Variants in DSCAM observed in about 807,000 individuals in gnomAD.
DSCAM encodes cell adhesion molecule DSCAM.
In DSCAM, 47 loss-of-function variants were observed where a neutral mutation model predicts 217.7. The ratio of observed to expected loss-of-function variants is 0.22; its 90% CI spans 0.17 to 0.28. DSCAM has a LOEUF of 0.28. Ranked by LOEUF, DSCAM falls within the 10% of genes least tolerant of loss-of-function variation. The probability of loss-of-function intolerance (pLI) is 1.00; values close to 1 mark genes in which losing one functional copy is unlikely to be tolerated. For synonymous variants in DSCAM, 1,056 were observed against 1,015.3 expected (o/e 1.04, Z -0.76); for missense variants, 2,080 against 2,618.3 (o/e 0.79, Z 4.49).
At chr21:40,527,316 C>T (rs2076408375) in intron 3 of DSCAM, among the ~76,000 whole-genome samples, 1 of 152,212 alleles carries the variant, frequency 6.6e-6, no homozygotes. Context: ...GTCTTCTTCT[C>T]CACTCTAGCC....
intron 1 of DSCAM, among the ~76,000 whole-genome samples, chr21:40,767,610 A>G (rs1204095715): frequency 2.0e-5 from 3 of 152,228 alleles, no homozygotes; most frequent in Admixed American, 1.3e-4. Context: ...CCTGCAAAGT[A>G]TCAGCCTGTC....
At chr21:40,437,858 CA>C (rs1465558343) in intron 3 of DSCAM, among the ~76,000 whole-genome samples, 1 of 152,006 alleles carries the variant, frequency 6.6e-6, no homozygotes, top group Non-Finnish European at 1.5e-5. Flanking sequence ...CTCAAAAAAA[CA>C]AAAGAAAAAA....
intron 3 of DSCAM, among the ~76,000 whole-genome samples, chr21:40,503,318 A>C (rs1416018292): frequency 6.6e-6 from 1 of 152,220 alleles, no homozygotes; most frequent in African/African-American, 2.4e-5. Flanking sequence ...GCTTCGACCA[A>C]GAGGATATTA....
At chr21:40,820,210 C>A (rs2091913848) in intron 1 of DSCAM, among the ~76,000 whole-genome samples, 1 of 152,040 alleles carries the variant, frequency 6.6e-6, no homozygotes, top group South Asian at 2.1e-4. Flanking sequence ...GGAAACAACC[C>A]AAATGCCCAT....
intron 3 of DSCAM, among the ~76,000 whole-genome samples, chr21:40,513,583 C>CCA (rs1003617584): frequency 3.3e-5 from 5 of 152,110 alleles, no homozygotes; most frequent in African/African-American, 1.2e-4. Context: ...CAGGAAGTGT[C>CCA]AGGCTCTCTT....
In DSCAM at chr21:40,097,403, T is replaced by C. The variant is rs553709149; in HGVS notation, c.3697-3529A>G. 1.2e-4 allele frequency among the ~76,000 whole-genome samples: 18 copies of C among 151,874 alleles called. No individual in the cohort carries two copies. The East Asian group carries it at 3.5e-3, about 30-fold the overall frequency. ...TACAAAATATAGCATAAAATAAAGC[T>C]AATGAACTAATAAGATAAATAAAAT... On this transcript the variant is annotated intron_variant, in intron 20 of 32. Coordinates refer to ENST00000400454, the MANE Select transcript of DSCAM (RefSeq NM_001389.5).
intron 3 of DSCAM, among the ~76,000 whole-genome samples, chr21:40,379,766 T>C (rs1215368722): frequency 1.3e-5 from 2 of 152,194 alleles, no homozygotes; most frequent in Non-Finnish European, 2.9e-5. Context: ...TTAGAAGATA[T>C]ACATACTTCG....
chr21:40,143,984 A>C (rs1417339436), intron 17 of DSCAM, among the ~76,000 whole-genome samples: 1 of 152,168 alleles, frequency 6.6e-6, no homozygotes, highest in Non-Finnish European at 1.5e-5. Context: ...GGTTATTCTC[A>C]GTGACATGGT....
chr21:40,673,637 G>A (rs1271149950), intron 3 of DSCAM, among the ~76,000 whole-genome samples: 1 of 152,190 alleles, frequency 6.6e-6, no homozygotes, highest in Admixed American at 6.5e-5. Flanking sequence ...GCCTGGGGAG[G>A]TGATTAGATC....
At chr21:40,437,493 T>C (rs2075593448) in intron 3 of DSCAM, among the ~76,000 whole-genome samples, 1 of 152,174 alleles carries the variant, frequency 6.6e-6, no homozygotes, top group East Asian at 1.9e-4. Flanking sequence ...TGATTATCTC[T>C]ATTTTGCAAG....
intron 2 of DSCAM, among the ~76,000 whole-genome samples, chr21:40,694,844 C>T (rs779045341): frequency 3.3e-5 from 5 of 151,552 alleles, no homozygotes; most frequent in Admixed American, 1.3e-4. Flanking sequence ...CTGAGGTCTA[C>T]GGTAATAGAT....
At chr21:40,125,760 T>C (rs556753924) in intron 19 of DSCAM, among the ~76,000 whole-genome samples, 1 of 152,336 alleles carries the variant, frequency 6.6e-6, no homozygotes, top group South Asian at 2.1e-4. Context: ...AACAAACCTC[T>C]ATCAGGTGAG....
intron 11 of DSCAM, among the ~76,000 whole-genome samples, chr21:40,190,321 T>C (rs965156497): frequency 5.3e-5 from 8 of 152,106 alleles, no homozygotes; most frequent in African/African-American, 1.7e-4. Context: ...ATACTAAGCT[T>C]ATCAGAAAGT....
intron 10 of DSCAM, among the ~76,000 whole-genome samples, chr21:40,294,602 G>A (rs1282211730): frequency 2.6e-5 from 4 of 152,162 alleles, no homozygotes; most frequent in African/African-American, 9.7e-5. Flanking sequence ...GTGTTTATGA[G>A]AGTGAAAACT....
At chr21:40,483,214 G>T in intron 3 of DSCAM, among the ~76,000 whole-genome samples, 1 of 152,304 alleles carries the variant, frequency 6.6e-6, no homozygotes, top group Middle Eastern at 3.4e-3. Flanking sequence ...GATCTTGCAG[G>T]ACTTACAAAT....
intron 3 of DSCAM, among the ~76,000 whole-genome samples, chr21:40,558,343 C>T (rs1203041303): frequency 2.0e-5 from 3 of 151,812 alleles, no homozygotes; most frequent in Non-Finnish European, 4.4e-5. Context: ...AGCTACTCAG[C>T]AGGCTGAGGC....
chr21:40,347,004 A>C (rs938151352), intron 6 of DSCAM, among the ~76,000 whole-genome samples: 1 of 152,148 alleles, frequency 6.6e-6, no homozygotes, highest in Non-Finnish European at 1.5e-5. Flanking sequence ...GATGCTGCCA[A>C]AGATCCTATA....
chr21:40,202,499 T>C (rs1385122450), intron 11 of DSCAM, among the ~76,000 whole-genome samples: 1 of 152,202 alleles, frequency 6.6e-6, no homozygotes, highest in Non-Finnish European at 1.5e-5. Context: ...GCTGGTTATC[T>C]CCTTGAACAA....
chr21:40,632,025 A>G (rs1474645559), intron 3 of DSCAM, among the ~76,000 whole-genome samples: 1 of 152,238 alleles, frequency 6.6e-6, no homozygotes, highest in Non-Finnish European at 1.5e-5. Flanking sequence ...GAGAAGGTGC[A>G]TTTGAACAGC....
Sources: gnomAD v4.1 joint callset for allele counts (sites outside exome capture counted in the v4.1 genomes callset) on GRCh38, gnomAD v4.1.1 for gene constraint, MANE v1.5 for transcripts, NCBI Gene and HGNC (gene_info 2026-07-23, HGNC 2026-07-21) for gene names.